NFIB: variants seen among roughly 807,000 people sequenced by gnomAD.
NFIB encodes the protein nuclear factor I B.
In NFIB, 11 loss-of-function variants were observed where a neutral mutation model predicts 61.5. The ratio of observed to expected loss-of-function variants is 0.18; its 90% CI spans 0.11 to 0.30. The LOEUF (loss-of-function observed/expected upper bound fraction) is 0.30, where lower values mean the gene tolerates loss of function less well. Ranked by LOEUF, NFIB falls within the 10% of genes least tolerant of loss-of-function variation. The probability of loss-of-function intolerance (pLI) is 1.00; values close to 1 mark genes in which losing one functional copy is unlikely to be tolerated. For missense variants in NFIB, 471 were observed against 608.9 expected, an observed-to-expected ratio of 0.77 and a Z score of 2.38; for synonymous variants, 260 against 216.5, an observed-to-expected ratio of 1.20 and a Z score of -1.76.
chr9:14,168,933 T>C (rs116702966), intron 3 of NFIB, among the ~76,000 whole-genome samples: 122 of 152,322 alleles, frequency 8.0e-4, no homozygotes, highest in African/African-American at 2.8e-3. Context: ...GGTAACATTA[T>C]TCATGTGGGC....
chr9:14,274,194 G>A (rs1487379003), intron 2 of NFIB, among the ~76,000 whole-genome samples: 6 of 147,960 alleles, frequency 4.1e-5, no homozygotes, highest in Non-Finnish European at 7.4e-5. Flanking sequence ...CCTCCTAAGT[G>A]ATCTTTTCTT....
chr9:14,182,281 T>A (rs528409585), intron 2 of NFIB, among the ~76,000 whole-genome samples: 18 of 152,316 alleles, frequency 1.2e-4, no homozygotes, highest in Admixed American at 6.5e-4. Flanking sequence ...AATGATCTGG[T>A]GTTTACTGGC....
intron 6 of NFIB, among the ~76,000 whole-genome samples, chr9:14,140,811 G>A (rs1264427444): frequency 6.6e-6 from 1 of 152,122 alleles, no homozygotes; most frequent in Non-Finnish European, 1.5e-5. Context: ...GCAAGTGCCT[G>A]TAGTCCCAGC....
At chr9:14,330,366 G>A (rs925073788) in intron 1 of NFIB, among the ~76,000 whole-genome samples, 5 of 152,112 alleles carry the variant, frequency 3.3e-5, no homozygotes, top group Non-Finnish European at 7.4e-5. Flanking sequence ...GATTCCCTCT[G>A]TACAGAGACC....
At chr9:14,342,982 G>C (rs546662888) in intron 1 of NFIB, among the ~76,000 whole-genome samples, 68 of 152,108 alleles carry the variant, frequency 4.5e-4, no homozygotes, top group African/African-American at 1.5e-3. Flanking sequence ...AAAGAAAGGA[G>C]GGAAAGAAAA....
At chr9:14,355,248 T>C (rs1213621331) in intron 1 of NFIB, among the ~76,000 whole-genome samples, 1 of 152,092 alleles carries the variant, frequency 6.6e-6, no homozygotes, top group Non-Finnish European at 1.5e-5. Flanking sequence ...GTATGACTGG[T>C]GGAGTCCCTG....
At chr9:14,522,790 G>A in the NFIB span, among the ~76,000 whole-genome samples, 1 of 152,174 alleles carries the variant, frequency 6.6e-6, no homozygotes, top group Non-Finnish European at 1.5e-5. Context: ...TTAGCTGTCA[G>A]CATCAGCATT....
chr9:14,447,183 A>C, the NFIB span, among the ~76,000 whole-genome samples: 1 of 152,188 alleles, frequency 6.6e-6, no homozygotes, highest in African/African-American at 2.4e-5. Flanking sequence ...TTTGCAATTT[A>C]TTTCTTTAAT....
At chr9:14,470,992 G>T in the NFIB span, among the ~76,000 whole-genome samples, 1 of 152,156 alleles carries the variant, frequency 6.6e-6, no homozygotes, top group Non-Finnish European at 1.5e-5. Flanking sequence ...ACCTGAAATG[G>T]TTAGATAATT....
At chr9:14,319,250 T>C (rs1046865348) in intron 1 of NFIB, among the ~76,000 whole-genome samples, 7 of 151,496 alleles carry the variant, frequency 4.6e-5, no homozygotes, top group Admixed American at 1.3e-4. Flanking sequence ...TTACAAGTTA[T>C]AATACAGTTC....
intron 2 of NFIB, among the ~76,000 whole-genome samples, chr9:14,294,114 TA>T (rs2059273092): frequency 6.6e-6 from 1 of 152,234 alleles, no homozygotes; most frequent in Non-Finnish European, 1.5e-5. Flanking sequence ...TGTTTGTTAG[TA>T]CTAAGAAGTC....
the NFIB span, among the ~76,000 whole-genome samples, chr9:14,515,420 T>A: frequency 1.4e-4 from 21 of 152,166 alleles, no homozygotes; most frequent in African/African-American, 5.1e-4. Context: ...GTGGGGAAAT[T>A]GGGGTTTAGA....
chr9:14,492,530 G>A, the NFIB span, among the ~76,000 whole-genome samples: 3 of 152,080 alleles, frequency 2.0e-5, no homozygotes, highest in South Asian at 6.2e-4. Context: ...CATGGTGGAA[G>A]GCAAAGGGGA....
At chr9:14,121,720 T>G (rs1208681877) in intron 7 of NFIB, among the ~76,000 whole-genome samples, 1 of 152,204 alleles carries the variant, frequency 6.6e-6, no homozygotes, top group East Asian at 1.9e-4. Context: ...ATTTAAGCTT[T>G]CATATAGGTA....
intron 2 of NFIB, among the ~76,000 whole-genome samples, chr9:14,275,823 T>C (rs2057958908): frequency 6.6e-6 from 1 of 152,136 alleles, no homozygotes; most frequent in Non-Finnish European, 1.5e-5. Context: ...TCTCTATTTT[T>C]CTTTTACATT....
At chr9:14,290,780 TTG>T (rs2059039527) in intron 2 of NFIB, among the ~76,000 whole-genome samples, 1 of 152,034 alleles carries the variant, frequency 6.6e-6, no homozygotes, top group African/African-American at 2.4e-5. Flanking sequence ...AGGAACTTTC[TTG>T]TGTTACCTCA....
At chr9:14,422,648 G>C in the NFIB span, among the ~76,000 whole-genome samples, 2 of 152,182 alleles carry the variant, frequency 1.3e-5, no homozygotes, top group African/African-American at 4.8e-5. Context: ...ACACTCCAAG[G>C]AAGGATTCAG....
intron 1 of NFIB, among the ~76,000 whole-genome samples, chr9:14,352,383 T>A (rs1296870992): frequency 6.6e-6 from 1 of 151,528 alleles, no homozygotes; most frequent in African/African-American, 2.4e-5. Flanking sequence ...GCTCAGCACT[T>A]CCCGGTACTC....
At position 14,241,458 on chromosome 9, in the gene NFIB, G is replaced by A. The variant is rs1469709649; in HGVS notation, c.563-61678C>T. Among the ~76,000 whole-genome samples the A allele has an allele frequency of 2.6e-5, 4 of 152,030 alleles. No homozygotes were observed. In the East Asian group the frequency reaches 5.8e-4, roughly 22 times the overall value. ...AATTTTCCTAGGGCACGTAAGAATT[G>A]GCTTCCAAATTTTTCTTTAATCGAC... On this transcript the variant is annotated intron_variant, in intron 2 of 10. Coordinates refer to ENST00000380953, the MANE Select transcript of NFIB (RefSeq NM_001190737.2).
Sources: gnomAD v4.1 joint callset for allele counts (sites outside exome capture counted in the v4.1 genomes callset) on GRCh38, gnomAD v4.1.1 for gene constraint, MANE v1.5 for transcripts, NCBI Gene and HGNC (gene_info 2026-07-23, HGNC 2026-07-21) for gene names.